SLC24A3: variants seen among roughly 807,000 people sequenced by gnomAD.
The protein encoded by SLC24A3 is sodium/potassium/calcium exchanger 3.
In SLC24A3, 28 loss-of-function variants were observed where a neutral mutation model predicts 75.8. The observed-to-expected ratio is 0.37, with a 90% CI of 0.27 to 0.51. The LOEUF (loss-of-function observed/expected upper bound fraction) is 0.51. Among genes scored for constraint, SLC24A3 ranks in the 20% least tolerant of loss-of-function variants. The pLI, the probability that SLC24A3 is intolerant of heterozygous loss-of-function variation, is 0.94. For missense variants in SLC24A3, 663 were observed against 847.8 expected (o/e 0.78, Z 2.71); for synonymous variants, 372 against 334.1 (o/e 1.11, Z -1.24).
At chr20:19,556,583 A>G (rs2030788438) in intron 3 of SLC24A3, among the ~76,000 whole-genome samples, 1 of 151,758 alleles carries the variant, frequency 6.6e-6, no homozygotes. Flanking sequence ...TGTGAAAAAA[A>G]AAAAAAAAAA....
chr20:19,282,240 C>G (rs1371837781), intron 2 of SLC24A3, among the ~76,000 whole-genome samples: 1 of 152,120 alleles, frequency 6.6e-6, no homozygotes, highest in Non-Finnish European at 1.5e-5. Flanking sequence ...AGCTTTCAAG[C>G]AAAGCTGGAA....
At chr20:19,321,019 A>C (rs1248438845) in intron 2 of SLC24A3, among the ~76,000 whole-genome samples, 1 of 152,072 alleles carries the variant, frequency 6.6e-6, no homozygotes, top group East Asian at 1.9e-4. Context: ...TATTGTGTCT[A>C]TATGCAGTTA....
intron 1 of SLC24A3, among the ~76,000 whole-genome samples, chr20:19,269,021 C>T (rs546170014): frequency 6.6e-6 from 1 of 152,342 alleles, no homozygotes; most frequent in African/African-American, 2.4e-5. Context: ...GGGGTTCTGC[C>T]TTGGTTCTTG....
intron 6 of SLC24A3, among the ~76,000 whole-genome samples, chr20:19,604,037 C>T (rs2031563920): frequency 1.3e-5 from 2 of 152,184 alleles, no homozygotes; most frequent in South Asian, 4.1e-4. Context: ...GTCACTTACT[C>T]CATCGGTGAG....
At chr20:19,231,210 A>T (rs1458433689) in intron 1 of SLC24A3, among the ~76,000 whole-genome samples, 1 of 152,212 alleles carries the variant, frequency 6.6e-6, no homozygotes, top group Non-Finnish European at 1.5e-5. Flanking sequence ...CTGAAGAAAG[A>T]CATTTCTGGA....
At chr20:19,482,843 CA>C in intron 2 of SLC24A3, among the ~76,000 whole-genome samples, 5 of 152,184 alleles carry the variant, frequency 3.3e-5, no homozygotes, top group African/African-American at 4.8e-5. Context: ...ACACCACAAG[CA>C]CACGGTTCAG....
chr20:19,555,840 G>T (rs1173449080), intron 3 of SLC24A3, among the ~76,000 whole-genome samples: 1 of 152,182 alleles, frequency 6.6e-6, no homozygotes, highest in Non-Finnish European at 1.5e-5. Context: ...AGTAAATGCT[G>T]GTAGTCACAA....
chr20:19,500,299 C>T (rs1400581061), intron 2 of SLC24A3, among the ~76,000 whole-genome samples: 2 of 152,196 alleles, frequency 1.3e-5, no homozygotes, highest in Admixed American at 6.5e-5. Context: ...TCGGCCGCCA[C>T]CTCGGAAGCT....
intron 2 of SLC24A3, among the ~76,000 whole-genome samples, chr20:19,446,323 A>G (rs1987383781): frequency 6.6e-6 from 1 of 152,234 alleles, no homozygotes; most frequent in African/African-American, 2.4e-5. Context: ...AAACCATGTA[A>G]AAGTCTGAAA....
intron 2 of SLC24A3, among the ~76,000 whole-genome samples, chr20:19,469,127 A>G (rs73903110): frequency 0.025 from 3,736 of 152,202 alleles, 147 homozygotes; most frequent in African/African-American, 0.084. Context: ...GGTCATCTCC[A>G]TGGATCCTGG....
intron 1 of SLC24A3, among the ~76,000 whole-genome samples, chr20:19,219,533 C>T (rs967092439): frequency 6.6e-6 from 1 of 151,914 alleles, no homozygotes; most frequent in Non-Finnish European, 1.5e-5. Context: ...TATGAGAGAT[C>T]GGGATGAGAA....
chr20:19,490,995 A>T (rs1456057463), intron 2 of SLC24A3, among the ~76,000 whole-genome samples: 2 of 152,236 alleles, frequency 1.3e-5, no homozygotes, highest in African/African-American at 4.8e-5. Flanking sequence ...TAATTTATTC[A>T]TATTTTAAAA....
intron 2 of SLC24A3, among the ~76,000 whole-genome samples, chr20:19,316,602 C>A (rs1009623163): frequency 6.6e-5 from 10 of 152,324 alleles, no homozygotes; most frequent in African/African-American, 2.4e-4. Context: ...AGCCATAAAT[C>A]AGCCAGACAC....
At chr20:19,533,781 G>A (rs2030346374) in intron 3 of SLC24A3, among the ~76,000 whole-genome samples, 1 of 152,204 alleles carries the variant, frequency 6.6e-6, no homozygotes, top group African/African-American at 2.4e-5. Context: ...ATCAAGCAAG[G>A]AGTTGACCCA....
chr20:19,277,527 C>T (rs940011176), intron 1 of SLC24A3, among the ~76,000 whole-genome samples: 2 of 152,158 alleles, frequency 1.3e-5, no homozygotes, highest in Non-Finnish European at 2.9e-5. Context: ...ATAATATTGT[C>T]AAACTTGGTT....
At chr20:19,400,813 T>C (rs1986538497) in intron 2 of SLC24A3, among the ~76,000 whole-genome samples, 1 of 152,228 alleles carries the variant, frequency 6.6e-6, no homozygotes, top group African/African-American at 2.4e-5. Context: ...CATTCATTTC[T>C]CATCTTTTGG....
chr20:19,412,506 A>G (rs1986761733), intron 2 of SLC24A3, among the ~76,000 whole-genome samples: 1 of 151,920 alleles, frequency 6.6e-6, no homozygotes, highest in South Asian at 2.1e-4. Flanking sequence ...GAAACAGAAG[A>G]GGGAGATGAG....
intron 2 of SLC24A3, among the ~76,000 whole-genome samples, chr20:19,291,807 C>T (rs915395098): frequency 4.6e-5 from 7 of 152,118 alleles, no homozygotes; most frequent in African/African-American, 1.7e-4. Flanking sequence ...TTATTGGGAT[C>T]AGGGACACTG....
intron 15 of SLC24A3, among the ~76,000 whole-genome samples, chr20:19,705,406 G>A (rs1386198742): frequency 1.3e-5 from 2 of 152,132 alleles, no homozygotes; most frequent in African/African-American, 4.8e-5. Flanking sequence ...GCAGGGTGGG[G>A]GACATCACCA....
Sources: gnomAD v4.1 joint callset for allele counts (sites outside exome capture counted in the v4.1 genomes callset) on GRCh38, gnomAD v4.1.1 for gene constraint, MANE v1.5 for transcripts, NCBI Gene and HGNC (gene_info 2026-07-23, HGNC 2026-07-21) for gene names.